WNK2: variants seen among roughly 807,000 people sequenced by gnomAD.
WNK2 encodes the protein WNK lysine deficient protein kinase 2, also known as serine/threonine-protein kinase WNK2.
A neutral mutation model predicts 192.1 loss-of-function variants in WNK2; 67 were observed. The ratio of observed to expected loss-of-function variants is 0.35; its 90% CI spans 0.29 to 0.43. The LOEUF is 0.43. Among genes scored for constraint, WNK2 ranks in the 20% least tolerant of loss-of-function variants. WNK2 has a pLI of 1.00. For synonymous variants in WNK2, 1,439 were observed against 1,393.9 expected, an observed-to-expected ratio of 1.03 and a Z score of -0.72; for missense variants, 2,698 against 3,089.7, an observed-to-expected ratio of 0.87 and a Z score of 3.01.
Position 93,229,689 on chromosome 9 carries a change from C to T in WNK2, c.682-7C>T, listed in dbSNP as rs749439093. On this transcript the variant is annotated splice_polypyrimidine_tract_variant and splice_region_variant and intron_variant, in intron 2 of 29. Transcript: ENST00000427277. The surrounding 1 kb of genome is among the most constrained non-coding windows in gnomAD (Gnocchi z 4.9). ...CTTGCCCACTTAGCATGTCTCTTGC[C>T]CTGTAGGACCGGAAGCTCACCAAGC... The T allele has an allele frequency of 4.3e-6, 7 of 1,611,836 alleles. No individual in the cohort carries two copies. The East Asian group carries it at 1.6e-4, about 36-fold the overall frequency.
In WNK2 at chr9:93,299,920, C is replaced by T. The variant is rs185659318; in HGVS notation, c.6116-131C>T. On this transcript the variant is annotated intron_variant, in intron 25 of 29. Transcript: ENST00000427277. ...TACATGGTCAGTGGCTTTGGTGCTC[C>T]GGGCTGGGCTAGATGGAGCCGTGGA... is the stretch of plus-strand genomic sequence containing the variant. The T allele has an allele frequency of 1.2e-4, 62 of 520,056 alleles. No individual in the cohort carries two copies. The Middle Eastern group carries it at 1.2e-3, about 10-fold the overall frequency. The allele number at this position is 520,056 out of a possible 1,614,324, so 32.2% of individuals were successfully genotyped here.
intron 7 of WNK2, among the ~76,000 whole-genome samples, chr9:93,240,291 G>T (rs1840535679): frequency 1.3e-5 from 2 of 152,208 alleles, no homozygotes; most frequent in Admixed American, 1.3e-4. Flanking sequence ...CCTCTGACTT[G>T]TCAGAAAGGC....
Position 93,268,635 on chromosome 9 carries a change from A to G in WNK2, c.3922A>G (p.Thr1308Ala), listed in dbSNP as rs1401968112. 3.7e-6 allele frequency: 6 copies of G among 1,612,614 alleles called. No individual in the cohort carries two copies. Among genetic ancestry groups the G allele is most frequent in the Non-Finnish European group, 5.1e-6 (6 of 1,179,532 alleles). The change falls in exon 19 of 30, where the codon ACC becomes GCC. Residue 1308 changes from threonine to alanine, a missense_variant. Coordinates refer to ENST00000427277, the MANE Select transcript of WNK2 (RefSeq NM_006648.4). The part of the protein sequence containing the change: ...APVYQQNVLH[T>A]GKRWFIICPV... ...TCTGTTCTGCCCTTCAGTCCTGCAC[A>G]CCGGGAAGAGGTGGTTCATCATCTG...
Position 93,209,722 on chromosome 9 carries a change from G to C in WNK2, c.682-19974G>C, listed in dbSNP as rs148124769. 3.8e-3 allele frequency among the ~76,000 whole-genome samples: 575 copies of C among 152,352 alleles called. 3 individuals carry two copies. Among genetic ancestry groups the C allele is most frequent in the African/African-American group, 0.013 (540 of 41,588 alleles). Reference sequence around the variant, plus strand: ...GCCAGGCCTGCTGGTGGCACTGGCTGTGTGGCCTCTCTGGGTGCCTCAAGG... The same window carrying C: ...GCCAGGCCTGCTGGTGGCACTGGCTCTGTGGCCTCTCTGGGTGCCTCAAGG... On this transcript the variant is annotated intron_variant, in intron 2 of 29. Transcript: ENST00000427277.
At chr9:93,238,146 C>A in intron 5 of WNK2, 87 bp from the exon 6 acceptor site, 1 of 1,195,250 alleles carries the variant, frequency 8.4e-7, no homozygotes, top group Non-Finnish European at 1.2e-6. Context: ...CCTGCCGTGG[C>A]TGGGAGTGGG....
rs981314135 is a variant in WNK2 at position 93,184,822 on chromosome 9, G to C, written c.-2-106G>C. 3.0e-5 allele frequency: 31 copies of C among 1,037,412 alleles called. No homozygotes were observed. In the African/African-American group the frequency reaches 4.0e-4, roughly 13 times the overall value. 64.3% of individuals were successfully genotyped at this position (1,037,412 alleles called of 1,614,324 possible). A position where few individuals can be genotyped will look rare whatever the true frequency, so the allele number is the denominator to read the frequency against. ...GCCCCCGCAGGCTCTCTCCGCGGCCGGGGCTGGGCAGGTTGCGGGCTTAGG... is the reference window on the plus strand; with the variant it reads ...GCCCCCGCAGGCTCTCTCCGCGGCCCGGGCTGGGCAGGTTGCGGGCTTAGG... On this transcript the variant is annotated intron_variant, in intron 1 of 29. Transcript: ENST00000427277.
Position 93,239,761 on chromosome 9 carries a change from G to A in WNK2, c.1327G>A (p.Glu443Lys), listed in dbSNP as rs761320892. Residue 443 changes from glutamate to lysine, a missense_variant, in exon 7 of 30, where the codon GAG becomes AAG. This residue lies in a region of WNK2 where 230 missense variants were observed against 501.1 expected (regional missense o/e 0.46). Coordinates refer to ENST00000427277, the MANE Select transcript of WNK2 (RefSeq NM_006648.4). The surrounding 1 kb of genome is among the most constrained non-coding windows in gnomAD (Gnocchi z 4.2). ...CICKNKEERYEIKDLLSHAFF... is the reference protein window; with the variant it reads ...CICKNKEERYKIKDLLSHAFF... ...TGTCAGCTGCTCTCCCTCCAGGTAC[G>A]AGATCAAAGACCTGCTGAGCCACGC... is the stretch of plus-strand genomic sequence containing the variant. 6.4e-6 allele frequency: 10 copies of A among 1,551,046 alleles called. No homozygotes were observed. The highest frequency in any genetic ancestry group is 1.4e-5 in the African/African-American group (1 of 73,120).
chr9:93,294,198 G>A (rs755277473), intron 23 of WNK2, among the ~76,000 whole-genome samples: 2 of 152,220 alleles, frequency 1.3e-5, no homozygotes, highest in Non-Finnish European at 2.9e-5. Context: ...TCTGCACAGC[G>A]TATGCACAGA....
At chr9:93,288,338 C>A (rs550246230) in intron 19 of WNK2, among the ~76,000 whole-genome samples, 1 of 152,126 alleles carries the variant, frequency 6.6e-6, no homozygotes, top group African/African-American at 2.4e-5. Context: ...GTGTACAGCT[C>A]ACTACTTAAA....
intron 19 of WNK2, among the ~76,000 whole-genome samples, chr9:93,280,621 C>T (rs528913733): frequency 6.6e-6 from 1 of 152,282 alleles, no homozygotes; most frequent in Admixed American, 6.5e-5. Context: ...CTTCACATTT[C>T]TTGAGTTGAA....
chr9:93,264,120 C>T, intron 16 of WNK2, 87 bp downstream of exon 16: 3 of 1,071,812 alleles, frequency 2.8e-6, no homozygotes, highest in Non-Finnish European at 4.2e-6. Context: ...CATGTCGAGC[C>T]TGGCCTTGTG....
chr9:93,287,647 G>A (rs1174815662), intron 19 of WNK2, among the ~76,000 whole-genome samples: 1 of 152,150 alleles, frequency 6.6e-6, no homozygotes. Flanking sequence ...CAGGGGATGG[G>A]GACCAAGGGA....
Position 93,239,138 on chromosome 9 carries a change from A to G in WNK2, c.1323-619A>G, listed in dbSNP as rs1031052213. ...CCTGCAGAGCCCCGAAGTGGTCACC[A>G]TGGCAACACCCTGTGGCCCGCCCTC... On this transcript the variant is annotated intron_variant, in intron 6 of 29. Transcript: ENST00000427277. The surrounding 1 kb of genome is among the most constrained non-coding windows in gnomAD (Gnocchi z 4.2). Among the ~76,000 whole-genome samples the G allele has an allele frequency of 3.3e-5, 5 of 152,334 alleles. No individual in the cohort carries two copies. The highest frequency in any genetic ancestry group is 2.6e-4 in the Admixed American group (4 of 15,306).
intron 19 of WNK2, among the ~76,000 whole-genome samples, chr9:93,273,884 G>C (rs935717802): frequency 1.3e-5 from 2 of 152,150 alleles, no homozygotes; most frequent in East Asian, 1.9e-4. Flanking sequence ...AGGAATATTA[G>C]AAAACAATTT....
chr9:93,249,597 T>C (rs1273665816), intron 8 of WNK2, among the ~76,000 whole-genome samples: 1 of 151,974 alleles, frequency 6.6e-6, no homozygotes, highest in Non-Finnish European at 1.5e-5. Flanking sequence ...CCTCAGCCCC[T>C]TGAGTAGCTG....
chr9:93,187,020 G>C (rs1829464408), intron 2 of WNK2, among the ~76,000 whole-genome samples: 2 of 152,160 alleles, frequency 1.3e-5, no homozygotes, highest in Non-Finnish European at 2.9e-5. Flanking sequence ...AGAGAAGAGA[G>C]GGCCTGAAAG....
intron 19 of WNK2, among the ~76,000 whole-genome samples, chr9:93,281,311 T>C (rs1008202845): frequency 1.3e-5 from 2 of 152,142 alleles, no homozygotes; most frequent in African/African-American, 4.8e-5. Flanking sequence ...TAAGTTTGCC[T>C]ACTGCATTAA....
intron 2 of WNK2, among the ~76,000 whole-genome samples, chr9:93,194,393 G>A (rs1054327561): frequency 7.2e-5 from 11 of 152,152 alleles, no homozygotes; most frequent in Non-Finnish European, 1.6e-4. Flanking sequence ...TAAAAAAATA[G>A]GCCAAAGAGC....
intron 2 of WNK2, among the ~76,000 whole-genome samples, chr9:93,209,059 CTG>C (rs1048997370): frequency 6.6e-6 from 1 of 152,202 alleles, no homozygotes; most frequent in Non-Finnish European, 1.5e-5. Flanking sequence ...TCCTATGAAA[CTG>C]TGGCCTTGAA....
Sources: gnomAD v4.1 joint callset for allele counts (sites outside exome capture counted in the v4.1 genomes callset) on GRCh38, gnomAD v4.1.1 for gene constraint, gnomAD v4.1.1 regional missense constraint, Gnocchi (gnomAD v3.1) non-coding constraint, MANE v1.5 for transcripts, NCBI Gene and HGNC (gene_info 2026-07-23, HGNC 2026-07-21) for gene names.